Variants in CSNK1G1 observed in about 807,000 individuals in gnomAD.
The protein encoded by CSNK1G1 is casein kinase 1 gamma 1, also known as casein kinase I isoform gamma-1.
In CSNK1G1, 22 loss-of-function variants were observed where a neutral mutation model predicts 59.6. The observed-to-expected ratio is 0.37, with a 90% CI of 0.26 to 0.53. The LOEUF (loss-of-function observed/expected upper bound fraction) is 0.53, where lower values mean the gene tolerates loss of function less well. Among genes scored for constraint, CSNK1G1 ranks in the 20% least tolerant of loss-of-function variants. The pLI, the probability that CSNK1G1 is intolerant of heterozygous loss-of-function variation, is 0.89. For synonymous variants in CSNK1G1, 179 were observed against 177.1 expected (o/e 1.01, Z -0.08); for missense variants, 384 against 519.5 (o/e 0.74, Z 2.54).
intron 2 of CSNK1G1, among the ~76,000 whole-genome samples, chr15:64,299,297 G>C (rs1353921017): frequency 6.6e-6 from 1 of 151,848 alleles, no homozygotes; most frequent in Non-Finnish European, 1.5e-5. Flanking sequence ...CCATTAAAAA[G>C]TATATAAATG....
intron 4 of CSNK1G1, among the ~76,000 whole-genome samples, chr15:64,250,763 A>G (rs896704507): frequency 2.8e-5 from 4 of 142,588 alleles, no homozygotes; most frequent in Admixed American, 2.0e-4. Context: ...AGAAAGAAAG[A>G]AAGAAAAAAA....
intron 2 of CSNK1G1, among the ~76,000 whole-genome samples, chr15:64,264,257 C>T (rs1892861601): frequency 6.6e-6 from 1 of 152,016 alleles, no homozygotes; most frequent in African/African-American, 2.4e-5. Context: ...TATATGAGAA[C>T]AAATGTTTAA....
At chr15:64,339,805 G>A (rs1361723002) in intron 1 of CSNK1G1, among the ~76,000 whole-genome samples, 2 of 152,206 alleles carry the variant, frequency 1.3e-5, no homozygotes, top group Non-Finnish European at 2.9e-5. Flanking sequence ...CAAGAGGAGT[G>A]ACTGACAGTT....
chr15:64,204,531 A>C lies in CSNK1G1; in HGVS notation c.909T>G (p.Asp303Glu). 3 of 1,614,034 alleles carry C rather than the reference A, an allele frequency of 1.9e-6. No homozygotes were observed. The highest frequency in any genetic ancestry group is 2.5e-6 in the Non-Finnish European group (3 of 1,179,958). ...VRRLDFFEKP[D>E]YEYLRTLFTD... ...TGAAGAGGGTCCGTAAATACTCATA[A>C]TCAGGTTTTTCAAAGAAGTCCAGTC... is the stretch of plus-strand genomic sequence containing the variant. Residue 303 changes from aspartate to glutamate, a missense_variant, in exon 9 of 12, where the codon GAT (aspartate) becomes GAG (glutamate). Asp to Glu is a conservative substitution (Grantham distance 45). Coordinates refer to ENST00000303052, the MANE Select transcript of CSNK1G1 (RefSeq NM_022048.5).
At chr15:64,193,719 A>G (rs2082003815) in intron 10 of CSNK1G1, among the ~76,000 whole-genome samples, 1 of 152,180 alleles carries the variant, frequency 6.6e-6, no homozygotes, top group Non-Finnish European at 1.5e-5. Context: ...TCCAGAGACG[A>G]GAGTATCAAT....
At chr15:64,224,333 CA>C (rs1375724805) in intron 4 of CSNK1G1, among the ~76,000 whole-genome samples, 1 of 152,010 alleles carries the variant, frequency 6.6e-6, no homozygotes, top group Non-Finnish European at 1.5e-5. Context: ...GGGCAATTAT[CA>C]TTAAAGAAAA....
At chr15:64,260,114 T>C (rs1171747938) in intron 2 of CSNK1G1, among the ~76,000 whole-genome samples, 3 of 152,218 alleles carry the variant, frequency 2.0e-5, no homozygotes, top group Non-Finnish European at 2.9e-5. Flanking sequence ...GTACATATCA[T>C]GTAGTTCAGC....
intron 1 of CSNK1G1, among the ~76,000 whole-genome samples, chr15:64,323,686 C>A (rs1896687770): frequency 6.6e-6 from 1 of 152,082 alleles, no homozygotes; most frequent in South Asian, 2.1e-4. Flanking sequence ...ATACTTAAAA[C>A]ATATAAACAA....
rs2081923913 is a variant in CSNK1G1, at chr15:64,188,243, A to C, written c.1108-7789T>G. ...TCTTACCCAAGTCCACCTAGACAGA[A>C]AATCTACAGAGATATTCAATTAGCC... On this transcript the variant is annotated intron_variant, in intron 10 of 11. Coordinates refer to ENST00000303052, the MANE Select transcript of CSNK1G1 (RefSeq NM_022048.5). This position sits in a 1 kb window ranked among gnomAD's most constrained non-coding sequence, Gnocchi z 4.2. The C allele has an allele frequency of 1.6e-6, 1 of 622,358 alleles. No homozygotes were observed. The highest frequency in any genetic ancestry group is 2.7e-6 in the Non-Finnish European group (1 of 367,192). The allele number at this position is 622,358 out of a possible 1,614,324, so 38.6% of individuals were successfully genotyped here.
intron 10 of CSNK1G1, among the ~76,000 whole-genome samples, chr15:64,184,698 T>C (rs1469234976): frequency 1.3e-5 from 2 of 151,688 alleles, no homozygotes; most frequent in African/African-American, 2.4e-5. Context: ...AAAAAAAGAT[T>C]TGCATACTTC....
chr15:64,214,800 G>A lies in CSNK1G1; in HGVS notation c.445-676C>T. ...ATTACATGCACATGCCACCATGCCT[G>A]GCTAATTTTTGTATTTTTAGTAGAG... On this transcript the variant is annotated intron_variant, in intron 5 of 11. Coordinates refer to ENST00000303052, the MANE Select transcript of CSNK1G1 (RefSeq NM_022048.5). The surrounding 1 kb of genome is among the most constrained non-coding windows in gnomAD (Gnocchi z 4.3). 6.6e-6 allele frequency among the ~76,000 whole-genome samples: 1 copy of A among 151,880 alleles called. No homozygotes were observed. The highest frequency in any genetic ancestry group is 1.5e-5 in the Non-Finnish European group (1 of 67,962).
At chr15:64,292,965 T>C (rs549170454) in intron 2 of CSNK1G1, among the ~76,000 whole-genome samples, 1 of 152,286 alleles carries the variant, frequency 6.6e-6, no homozygotes, top group South Asian at 2.1e-4. Flanking sequence ...TATCTACTTA[T>C]TCTTGCAACT....
chr15:64,308,981 G>A (rs1255648227), intron 1 of CSNK1G1, among the ~76,000 whole-genome samples: 1 of 151,862 alleles, frequency 6.6e-6, no homozygotes, highest in Non-Finnish European at 1.5e-5. Flanking sequence ...CTGTTTAACT[G>A]TTCCCTTATA....
chr15:64,307,331 T>C (rs1369806288), intron 1 of CSNK1G1, among the ~76,000 whole-genome samples: 2 of 152,150 alleles, frequency 1.3e-5, no homozygotes, highest in Non-Finnish European at 1.5e-5. Context: ...ATAAAGCCTG[T>C]TAATTAAAGT....
At chr15:64,193,926 A>C (rs1037383373) in intron 10 of CSNK1G1, 1 of 152,270 alleles carries the variant, frequency 6.6e-6, no homozygotes, top group Non-Finnish European at 1.5e-5. Context: ...CTGAAATACA[A>C]AACACTTAAC....
At chr15:64,273,176 A>T (rs1396451325) in intron 2 of CSNK1G1, among the ~76,000 whole-genome samples, 1 of 152,232 alleles carries the variant, frequency 6.6e-6, no homozygotes, top group African/African-American at 2.4e-5. Context: ...TCACAAAGGA[A>T]GGATAAAGAT....
At chr15:64,204,374 A>G in intron 9 of CSNK1G1, 67 bp downstream of exon 9, 2 of 1,298,028 alleles carry the variant, frequency 1.5e-6, no homozygotes, top group Non-Finnish European at 2.1e-6. Context: ...AAGTAAAGGC[A>G]TGAGGCAGTG....
chr15:64,347,148 T>C (rs1898020921), intron 1 of CSNK1G1, among the ~76,000 whole-genome samples: 1 of 152,056 alleles, frequency 6.6e-6, no homozygotes, highest in Admixed American at 6.6e-5. Context: ...CAATACGAAA[T>C]GCTAGTGAGG....
intron 2 of CSNK1G1, among the ~76,000 whole-genome samples, chr15:64,291,605 A>G (rs1253958704): frequency 6.6e-6 from 1 of 152,190 alleles, no homozygotes; most frequent in East Asian, 1.9e-4. Context: ...AAAATAAAAT[A>G]AAATTATGTT....
Sources: gnomAD v4.1 joint callset for allele counts (sites outside exome capture counted in the v4.1 genomes callset) on GRCh38, gnomAD v4.1.1 for gene constraint, Gnocchi (gnomAD v3.1) non-coding constraint, MANE v1.5 for transcripts, NCBI Gene and HGNC (gene_info 2026-07-23, HGNC 2026-07-21) for gene names.